Variants in CORIN observed in about 807,000 individuals in gnomAD.
CORIN encodes the protein atrial natriuretic peptide-converting enzyme.
In CORIN, 117 loss-of-function variants were observed where a neutral mutation model predicts 125.3. That is an observed-to-expected ratio of 0.93 (90% CI 0.80 to 1.09). The LOEUF is 1.09. Among genes scored for constraint, CORIN ranks in the 50% least tolerant of loss-of-function variants. The pLI is 0.00. For synonymous variants in CORIN, 450 were observed against 466.4 expected, an observed-to-expected ratio of 0.96 and a Z score of 0.45; for missense variants, 1,253 against 1,306.7, an observed-to-expected ratio of 0.96 and a Z score of 0.63.
At chr4:47,709,490 C>T (rs1359606489) in intron 5 of CORIN, among the ~76,000 whole-genome samples, 1 of 151,954 alleles carries the variant, frequency 6.6e-6, no homozygotes, top group Non-Finnish European at 1.5e-5. Flanking sequence ...ACGGGTTTTG[C>T]CATGTTGCCC....
chr4:47,688,239 T>G (rs1333775123), intron 6 of CORIN, among the ~76,000 whole-genome samples: 1 of 152,182 alleles, frequency 6.6e-6, no homozygotes, highest in Admixed American at 6.5e-5. Flanking sequence ...CTGCTGCCTT[T>G]TTTTGTTTGC....
At chr4:47,637,079 G>A (rs563510002) in intron 16 of CORIN, among the ~76,000 whole-genome samples, 31 of 152,284 alleles carry the variant, frequency 2.0e-4, no homozygotes, top group African/African-American at 5.5e-4. Context: ...GTTGGGAACC[G>A]GAGCAAAGGT....
intron 12 of CORIN, among the ~76,000 whole-genome samples, chr4:47,654,058 T>C (rs1369306469): frequency 6.6e-6 from 1 of 152,208 alleles, no homozygotes; most frequent in Non-Finnish European, 1.5e-5. Flanking sequence ...TTAATGATCC[T>C]ATGTTGCCAT....
intron 13 of CORIN, among the ~76,000 whole-genome samples, chr4:47,645,627 C>G (rs1029806183): frequency 4.8e-5 from 7 of 145,296 alleles, no homozygotes; most frequent in African/African-American, 1.5e-4. Context: ...CAGTGACTCA[C>G]GCCTGTAATC....
chr4:47,779,939 T>A (rs1473893000), intron 3 of CORIN, among the ~76,000 whole-genome samples: 1 of 152,200 alleles, frequency 6.6e-6, no homozygotes, highest in Non-Finnish European at 1.5e-5. Flanking sequence ...TTAGACAGCA[T>A]CATGGTCATC....
At chr4:47,704,014 A>G (rs1490013379) in intron 5 of CORIN, among the ~76,000 whole-genome samples, 1 of 152,168 alleles carries the variant, frequency 6.6e-6, no homozygotes, top group East Asian at 1.9e-4. Context: ...TTGCTTCAGG[A>G]AAGTTGATTT....
intron 19 of CORIN, among the ~76,000 whole-genome samples, chr4:47,612,579 TAGAGA>T (rs2109529911): frequency 6.6e-6 from 1 of 152,294 alleles, no homozygotes; most frequent in African/African-American, 2.4e-5. Context: ...TGTTCCATTT[TAGAGA>T]AGAGAAATCA....
intron 1 of CORIN, among the ~76,000 whole-genome samples, chr4:47,820,509 G>A (rs1348677854): frequency 2.6e-5 from 4 of 152,102 alleles, no homozygotes; most frequent in Admixed American, 6.5e-5. Context: ...ACAATAAAAA[G>A]CTCTTATGAG....
At chr4:47,645,215 T>G in intron 13 of CORIN, 21 bp from the exon 14 acceptor site, 1 of 1,320,224 alleles carries the variant, frequency 7.6e-7, no homozygotes. Flanking sequence ...AAGAAAAGGT[T>G]ATTTGCAATA....
intron 12 of CORIN, among the ~76,000 whole-genome samples, chr4:47,654,587 C>T (rs1355951566): frequency 1.3e-5 from 2 of 152,230 alleles, no homozygotes; most frequent in East Asian, 3.9e-4. Flanking sequence ...CCAGGCAGAG[C>T]TCAGCCAGTG....
chr4:47,808,112 T>C (rs943221470), intron 1 of CORIN, among the ~76,000 whole-genome samples: 2 of 152,298 alleles, frequency 1.3e-5, no homozygotes, highest in South Asian at 4.1e-4. Context: ...TCTCTCTCTA[T>C]CTTCAAACTA....
At chr4:47,707,083 A>T in intron 5 of CORIN, 1 of 1,422,426 alleles carries the variant, frequency 7.0e-7, no homozygotes, top group Non-Finnish European at 9.2e-7. Context: ...TAGTCTGCAG[A>T]TGTTTCTTGA....
chr4:47,832,044 C>G (rs1733037611), intron 1 of CORIN, among the ~76,000 whole-genome samples: 1 of 152,164 alleles, frequency 6.6e-6, no homozygotes, highest in Admixed American at 6.5e-5. Flanking sequence ...AAACATTGTA[C>G]TTAGTATTAT....
At chr4:47,823,956 T>A (rs1367251872) in intron 1 of CORIN, among the ~76,000 whole-genome samples, 1 of 152,206 alleles carries the variant, frequency 6.6e-6, no homozygotes, top group Non-Finnish European at 1.5e-5. Flanking sequence ...GCTGGCCACC[T>A]GTCCTTGTTG....
intron 5 of CORIN, among the ~76,000 whole-genome samples, chr4:47,719,212 CCCAA>C (rs774695717): frequency 6.6e-6 from 1 of 152,142 alleles, no homozygotes; most frequent in Non-Finnish European, 1.5e-5. Context: ...TTCACCTTTT[CCCAA>C]CCAACCACCT....
chr4:47,805,210 T>C (rs1731737789), intron 2 of CORIN, among the ~76,000 whole-genome samples: 1 of 151,368 alleles, frequency 6.6e-6, no homozygotes, highest in Non-Finnish European at 1.5e-5. Context: ...AGAGTATAAT[T>C]GGATTATTGT....
chr4:47,615,612 G>A (rs1722041028), intron 19 of CORIN, among the ~76,000 whole-genome samples: 2 of 152,192 alleles, frequency 1.3e-5, no homozygotes, highest in African/African-American at 4.8e-5. Context: ...ACTGTCTGAA[G>A]AGGAAGGCAG....
At chr4:47,679,278 T>C (rs1327935253) in intron 8 of CORIN, among the ~76,000 whole-genome samples, 1 of 152,188 alleles carries the variant, frequency 6.6e-6, no homozygotes, top group East Asian at 1.9e-4. Context: ...CCATACTTGT[T>C]ATTAGTTTGA....
intron 5 of CORIN, among the ~76,000 whole-genome samples, chr4:47,725,112 T>C (rs1411037406): frequency 6.6e-6 from 1 of 152,114 alleles, no homozygotes; most frequent in Non-Finnish European, 1.5e-5. Context: ...TAAATGCCAA[T>C]AGAAGAATCA....
Sources: gnomAD v4.1 joint callset for allele counts (sites outside exome capture counted in the v4.1 genomes callset) on GRCh38, gnomAD v4.1.1 for gene constraint, MANE v1.5 for transcripts, NCBI Gene and HGNC (gene_info 2026-07-23, HGNC 2026-07-21) for gene names.